Variants in ATRX observed in about 807,000 individuals in gnomAD.
The protein encoded by ATRX is chromatin remodeler ATRX.
ATRX carries 12 observed loss-of-function variants against 172.6 expected under a neutral mutation model. The ratio of observed to expected loss-of-function variants is 0.07; its 90% CI spans 0.04 to 0.11. ATRX has a LOEUF of 0.11. Among genes scored for constraint, ATRX ranks in the 10% least tolerant of loss-of-function variants. ATRX has a pLI of 1.00. For synonymous variants in ATRX, 674 were observed against 594.7 expected, an observed-to-expected ratio of 1.13 and a Z score of -1.94; for missense variants, 1,368 against 1,767.4, an observed-to-expected ratio of 0.77 and a Z score of 4.05.
At chrX:77,751,935 G>C (rs1308201534) in intron 1 of ATRX, among the ~76,000 whole-genome samples, 1 of 111,813 alleles carries the variant, frequency 8.9e-6, no homozygotes, top group Non-Finnish European at 1.9e-5. Context: ...AGTATAGTTT[G>C]AGGTCAGGTA....
chrX:77,767,975 A>G (rs1346250714), intron 1 of ATRX, among the ~76,000 whole-genome samples: 1 of 111,852 alleles, frequency 8.9e-6, no homozygotes, highest in East Asian at 2.8e-4. Context: ...GAGAGACTGA[A>G]CTAAAAAATA....
intron 1 of ATRX, among the ~76,000 whole-genome samples, chrX:77,725,241 C>T (rs1167907605): frequency 8.9e-6 from 1 of 111,749 alleles, no homozygotes; most frequent in Non-Finnish European, 1.9e-5. Flanking sequence ...GCTACAGTAA[C>T]CAAAACAGCA....
chrX:77,602,959 T>C (rs782550089), intron 22 of ATRX, among the ~76,000 whole-genome samples: 1 of 110,763 alleles, frequency 9.0e-6, no homozygotes, highest in Non-Finnish European at 1.9e-5. Context: ...GGGGGAAAAG[T>C]TGTTTTTTTG....
At chrX:77,769,001 T>C (rs2076065883) in intron 1 of ATRX, among the ~76,000 whole-genome samples, 2 of 111,141 alleles carry the variant, frequency 1.8e-5, no homozygotes, top group African/African-American at 6.5e-5. Flanking sequence ...CCACAATTTT[T>C]ACCCCAAAGG....
chrX:77,752,904 T>C (rs782414474), intron 1 of ATRX, among the ~76,000 whole-genome samples: 5 of 112,048 alleles, frequency 4.5e-5, no homozygotes, highest in African/African-American at 1.6e-4. Context: ...TCGATGGTCA[T>C]CAGGGATATT....
intron 15 of ATRX, among the ~76,000 whole-genome samples, chrX:77,648,166 G>C (rs968738191): frequency 8.9e-6 from 1 of 111,790 alleles, no homozygotes; most frequent in African/African-American, 3.2e-5. Context: ...AGGAGAAAGA[G>C]ATGAATTAAC....
intron 1 of ATRX, among the ~76,000 whole-genome samples, chrX:77,747,475 G>A (rs1362477414): frequency 9.0e-6 from 1 of 111,455 alleles, no homozygotes; most frequent in African/African-American, 3.3e-5. Context: ...AGTGAGCTGA[G>A]ACTGCGCTAC....
chrX:77,721,971 A>C lies in ATRX; in HGVS notation c.21-4728T>G, dbSNP rs189715971. ...AAAACAGCATGGTACTGGTACCAAA[A>C]CAGAGATATAGAACAATGGAACAGA... is the stretch of plus-strand genomic sequence containing the variant. On this transcript the variant is annotated intron_variant, in intron 1 of 34. Transcript: ENST00000373344. Among the ~76,000 whole-genome samples the C allele has an allele frequency of 2.7e-5, 3 of 111,854 alleles. No individual in the cohort carries two copies. The East Asian group carries it at 8.4e-4, about 31-fold the overall frequency.
At position 77,733,706 on chromosome X, in the gene ATRX, T is replaced by TTA. The variant is rs1442340712; in HGVS notation, c.21-16464_21-16463insTA. Among the ~76,000 whole-genome samples, 13 of 33,034 alleles carry TTA rather than the reference T, an allele frequency of 3.9e-4. No individual in the cohort carries two copies. In the Admixed American group the frequency reaches 5.3e-3, roughly 13 times the overall value. 28.7% of individuals were successfully genotyped at this position (33,034 alleles called of 115,157 possible). On this transcript the variant is annotated intron_variant, in intron 1 of 34. Coordinates refer to ENST00000373344, the MANE Select transcript of ATRX (RefSeq NM_000489.6). Reference sequence around the variant, plus strand: ...CAACAGGGTGAAACCCCATCTATGCTAAAAAAAAAAAAAAAAAAAAAAAAA... The same window carrying TTA: ...CAACAGGGTGAAACCCCATCTATGCTTAAAAAAAAAAAAAAAAAAAAAAAAAA...
At chrX:77,547,286 C>G (rs782351297) in intron 30 of ATRX, among the ~76,000 whole-genome samples, 2 of 111,322 alleles carry the variant, frequency 1.8e-5, no homozygotes, top group East Asian at 5.7e-4. Flanking sequence ...GCCCTCCACC[C>G]CAACACTGCC....
chrX:77,745,887 C>T (rs1557184625), intron 1 of ATRX, among the ~76,000 whole-genome samples: 2 of 111,199 alleles, frequency 1.8e-5, no homozygotes, highest in African/African-American at 6.5e-5. Flanking sequence ...ATCTCATGTA[C>T]CCCATAAATA....
At chrX:77,543,749 G>A (rs2064114748) in intron 30 of ATRX, among the ~76,000 whole-genome samples, 1 of 110,038 alleles carries the variant, frequency 9.1e-6, no homozygotes, top group Non-Finnish European at 1.9e-5. Context: ...ATAAGCGGGA[G>A]GTGAACAATG....
chrX:77,738,236 G>C (rs1209265131), intron 1 of ATRX, among the ~76,000 whole-genome samples: 1 of 107,732 alleles, frequency 9.3e-6, no homozygotes, highest in African/African-American at 3.4e-5. Flanking sequence ...TCAGGAGGCT[G>C]AGGTGGGAAG....
At chrX:77,632,489 C>T (rs1965130410) in intron 19 of ATRX, among the ~76,000 whole-genome samples, 1 of 111,433 alleles carries the variant, frequency 9.0e-6, no homozygotes, top group African/African-American at 3.3e-5. Context: ...TTAACTACCT[C>T]ATTATCTTTA....
At chrX:77,701,460 C>T (rs1171068199) in intron 2 of ATRX, among the ~76,000 whole-genome samples, 2 of 107,761 alleles carry the variant, frequency 1.9e-5, no homozygotes, top group Admixed American at 1.0e-4. Context: ...TGCAGTGAGC[C>T]GAGATTGTGC....
chrX:77,740,169 G>A (rs2074797835), intron 1 of ATRX, among the ~76,000 whole-genome samples: 1 of 107,638 alleles, frequency 9.3e-6, no homozygotes, highest in African/African-American at 3.4e-5. Flanking sequence ...AAGAAAAAAC[G>A]CTGAGAAAAC....
chrX:77,592,679 G>A (rs1188724166), intron 26 of ATRX, among the ~76,000 whole-genome samples: 2 of 108,769 alleles, frequency 1.8e-5, no homozygotes, highest in African/African-American at 6.7e-5. Flanking sequence ...GGGCGTGGTG[G>A]TGCGTGCCTG....
intron 30 of ATRX, among the ~76,000 whole-genome samples, chrX:77,539,074 T>C (rs1334791318): frequency 9.1e-6 from 1 of 109,669 alleles, no homozygotes; most frequent in African/African-American, 3.3e-5. Context: ...TTTCTACTTT[T>C]AGTAGAGACA....
intron 27 of ATRX, among the ~76,000 whole-genome samples, chrX:77,586,932 G>A (rs2066048066): frequency 9.1e-6 from 1 of 109,914 alleles, no homozygotes; most frequent in South Asian, 3.9e-4. Context: ...GCACACACCT[G>A]TAATCCCAGC....
Sources: allele counts gnomAD v4.1 joint callset (sites outside exome capture counted in the v4.1 genomes callset), GRCh38; gene constraint gnomAD v4.1.1; transcripts MANE v1.5; gene names NCBI Gene and HGNC (gene_info 2026-07-23, HGNC 2026-07-21).